The following PCDH15 variants were observed in gnomAD, a reference collection of about 807,000 sequenced individuals.
The protein encoded by PCDH15 is protocadherin related 15.
Under a neutral mutation model 178.5 loss-of-function variants are expected in PCDH15, and 129 were observed. That is an observed-to-expected ratio of 0.72 (90% CI 0.63 to 0.84). PCDH15 has a LOEUF of 0.84. PCDH15 is among the 40% of genes least tolerant of loss of function. The pLI, the probability that PCDH15 is intolerant of heterozygous loss-of-function variation, is 0.00. For missense variants in PCDH15, 2,230 were observed against 2,099.9 expected (o/e 1.06, Z -1.21); for synonymous variants, 800 against 732.0 (o/e 1.09, Z -1.50).
chr10:54,347,533 T>G (rs1943496931), intron 5 of PCDH15, among the ~76,000 whole-genome samples: 1 of 152,172 alleles, frequency 6.6e-6, no homozygotes, highest in Admixed American at 6.5e-5. Context: ...CTAGGATTCC[T>G]TGATGGTAAA....
At chr10:55,489,238 T>TA (rs1840364016) in intron 2 of PCDH15, among the ~76,000 whole-genome samples, 1 of 151,572 alleles carries the variant, frequency 6.6e-6, no homozygotes, top group Admixed American at 6.6e-5. Flanking sequence ...CAACATTCTC[T>TA]AAAAATTGTC....
chr10:54,462,718 A>G (rs2077273944), intron 3 of PCDH15, among the ~76,000 whole-genome samples: 1 of 108,408 alleles, frequency 9.2e-6, no homozygotes, highest in Admixed American at 1.2e-4. Flanking sequence ...TTTTAAGTAG[A>G]GACAGGGTTT....
At chr10:54,226,509 C>T (rs1444212614) in intron 9 of PCDH15, among the ~76,000 whole-genome samples, 1 of 152,134 alleles carries the variant, frequency 6.6e-6, no homozygotes, top group Non-Finnish European at 1.5e-5. Flanking sequence ...GACCAGCATG[C>T]ATAGCATAGT....
chr10:54,560,770 A>G (rs1200450965), intron 2 of PCDH15, among the ~76,000 whole-genome samples: 1 of 152,086 alleles, frequency 6.6e-6, no homozygotes, highest in African/African-American at 2.4e-5. Flanking sequence ...AATTTAATTA[A>G]AAGTTTTAAA....
chr10:54,785,380 C>T (rs1950758829), intron 1 of PCDH15, among the ~76,000 whole-genome samples: 1 of 151,928 alleles, frequency 6.6e-6, no homozygotes, highest in African/African-American at 2.4e-5. Flanking sequence ...CTTTCTTAAG[C>T]TTCATATTTT....
At chr10:54,403,753 CA>C (rs1361835091) in intron 3 of PCDH15, among the ~76,000 whole-genome samples, 1 of 151,816 alleles carries the variant, frequency 6.6e-6, no homozygotes, top group African/African-American at 2.4e-5. Flanking sequence ...TCTCAGGATA[CA>C]AAATCAACGT....
chr10:54,250,203 T>G lies in PCDH15; in HGVS notation c.877-13272A>C, dbSNP rs573223136. On this transcript the variant is annotated intron_variant, in intron 8 of 37. Coordinates refer to ENST00000644397, the MANE Select transcript of PCDH15 (RefSeq NM_001384140.1). ...GATTACAGGCATGAGTGACTGCACCTGGCCTATAAAATGTAATCTCATTGC... is the reference window on the plus strand; with the variant it reads ...GATTACAGGCATGAGTGACTGCACCGGGCCTATAAAATGTAATCTCATTGC... Among the ~76,000 whole-genome samples the G allele has an allele frequency of 4.7e-5, 7 of 150,088 alleles. No individual in the cohort carries two copies. The South Asian group carries it at 1.5e-3, about 32-fold the overall frequency.
At chr10:54,820,146 G>C (rs985144263) in intron 3 of PCDH15, among the ~76,000 whole-genome samples, 2 of 151,920 alleles carry the variant, frequency 1.3e-5, no homozygotes, top group African/African-American at 4.8e-5. Context: ...TAGTAGGACA[G>C]GGAAACTTAC....
intron 11 of PCDH15, among the ~76,000 whole-genome samples, chr10:54,192,984 A>T (rs920573591): frequency 6.6e-6 from 1 of 152,198 alleles, no homozygotes; most frequent in Non-Finnish European, 1.5e-5. Flanking sequence ...GAAACTCACA[A>T]TGTTATACAG....
At chr10:53,843,447 T>C (rs2077782454) in intron 28 of PCDH15, among the ~76,000 whole-genome samples, 1 of 152,020 alleles carries the variant, frequency 6.6e-6, no homozygotes, top group Admixed American at 6.6e-5. Context: ...AGATTTGCAA[T>C]GATGTTTATC....
chr10:55,542,333 C>A (rs1355188877), intron 2 of PCDH15, among the ~76,000 whole-genome samples: 1 of 149,680 alleles, frequency 6.7e-6, no homozygotes, highest in African/African-American at 2.4e-5. Context: ...TACCCTATGC[C>A]CCTTGAATAT....
chr10:54,812,553 G>A (rs951144532), intron 3 of PCDH15, among the ~76,000 whole-genome samples: 3 of 152,116 alleles, frequency 2.0e-5, no homozygotes, highest in Admixed American at 6.5e-5. Context: ...CCGCCTCCCC[G>A]GTTCAAGTGA....
chr10:54,679,189 C>CAAAAA (rs10709982), intron 1 of PCDH15, among the ~76,000 whole-genome samples: 34 of 71,208 alleles, frequency 4.8e-4, no homozygotes, highest in South Asian at 1.1e-3. Flanking sequence ...GACTCCGTCT[C>CAAAAA]AAAAAAAAAA....
At position 54,391,705 on chromosome 10, in the gene PCDH15, C is replaced by T. The variant is rs78390252; in HGVS notation, c.158-12763G>A. Among the ~76,000 whole-genome samples the T allele has an allele frequency of 4.1e-3, 625 of 152,236 alleles. 4 individuals are homozygous for T. The highest frequency in any genetic ancestry group is 0.014 in the African/African-American group (589 of 41,546). Reference sequence around the variant, plus strand: ...CAACACATACCTGGCTATTATTTACCTCTTTCCCTTCATATTCTCCTTTCT... The same window carrying T: ...CAACACATACCTGGCTATTATTTACTTCTTTCCCTTCATATTCTCCTTTCT... On this transcript the variant is annotated intron_variant, in intron 3 of 37. Transcript: ENST00000644397.
Position 53,822,896 on chromosome 10 carries a change from T to C in PCDH15, c.4368-2666A>G. On this transcript the variant is annotated intron_variant, in intron 32 of 37. Coordinates refer to ENST00000644397, the MANE Select transcript of PCDH15 (RefSeq NM_001384140.1). Reference sequence around the variant, plus strand: ...TTTTGTTTGTACAGATTCCAGTGTTTTCATTTTCAGCTTTCTGCCTGGTGC... The same window carrying C: ...TTTTGTTTGTACAGATTCCAGTGTTCTCATTTTCAGCTTTCTGCCTGGTGC... The C allele has an allele frequency of 6.2e-7, 1 of 1,614,140 alleles. No individual in the cohort carries two copies. Among genetic ancestry groups the C allele is most frequent in the Non-Finnish European group, 8.5e-7 (1 of 1,179,998 alleles).
At chr10:54,510,370 C>T (rs1283232261) in intron 3 of PCDH15, among the ~76,000 whole-genome samples, 4 of 152,134 alleles carry the variant, frequency 2.6e-5, no homozygotes, top group African/African-American at 7.2e-5. Context: ...ATTGGAGCAT[C>T]GGTGACAGGG....
At chr10:54,745,236 C>T (rs1945298863) in intron 1 of PCDH15, among the ~76,000 whole-genome samples, 2 of 152,010 alleles carry the variant, frequency 1.3e-5, no homozygotes, top group Admixed American at 1.3e-4. Flanking sequence ...GAGTACCTAC[C>T]TGTGTTCTTC....
intron 28 of PCDH15, among the ~76,000 whole-genome samples, chr10:53,855,852 C>A (rs1359045357): frequency 7.1e-6 from 1 of 140,604 alleles, no homozygotes; most frequent in Admixed American, 7.5e-5. Flanking sequence ...AACAAGCATG[C>A]ATGTTCTGCA....
chr10:54,901,982 A>T (rs933143895), intron 2 of PCDH15, among the ~76,000 whole-genome samples: 1 of 87,854 alleles, frequency 1.1e-5, no homozygotes, highest in Non-Finnish European at 2.2e-5. Flanking sequence ...CCAAATATTC[A>T]TATTGATACA....
Sources: gnomAD v4.1 joint callset for allele counts (sites outside exome capture counted in the v4.1 genomes callset) on GRCh38, gnomAD v4.1.1 for gene constraint, MANE v1.5 for transcripts, NCBI Gene and HGNC (gene_info 2026-07-23, HGNC 2026-07-21) for gene names.